FAF1: variants seen among roughly 807,000 people sequenced by gnomAD.
The protein encoded by FAF1 is FAS-associated factor 1.
Under a neutral mutation model 92.5 loss-of-function variants are expected in FAF1, and 25 were observed. That is an observed-to-expected ratio of 0.27 (90% CI 0.20 to 0.38). FAF1 has a LOEUF of 0.38. Ranked by LOEUF, FAF1 falls within the 10% of genes least tolerant of loss-of-function variation. The probability of loss-of-function intolerance (pLI) is 1.00; values close to 1 mark genes in which losing one functional copy is unlikely to be tolerated. For synonymous variants in FAF1, 234 were observed against 273.2 expected, an observed-to-expected ratio of 0.86 and a Z score of 1.42; for missense variants, 636 against 793.3, an observed-to-expected ratio of 0.80 and a Z score of 2.38.
intron 1 of FAF1, among the ~76,000 whole-genome samples, chr1:50,913,163 A>G (rs1364165993): frequency 1.3e-5 from 2 of 152,216 alleles, no homozygotes; most frequent in African/African-American, 4.8e-5. Flanking sequence ...ACATGGCATG[A>G]GTGCAGGGAT....
chr1:50,601,521 A>G (rs1652125860), intron 8 of FAF1, among the ~76,000 whole-genome samples: 1 of 152,114 alleles, frequency 6.6e-6, no homozygotes, highest in Non-Finnish European at 1.5e-5. Flanking sequence ...GTCTCTACTA[A>G]AAATACAAAA....
intron 1 of FAF1, among the ~76,000 whole-genome samples, chr1:50,864,883 T>C (rs2124673963): frequency 6.6e-6 from 1 of 151,998 alleles, no homozygotes; most frequent in Non-Finnish European, 1.5e-5. Flanking sequence ...CAAAAGAAAC[T>C]ACCATCAGAG....
At chr1:50,474,222 G>A (rs568596437) in intron 18 of FAF1, among the ~76,000 whole-genome samples, 2 of 152,266 alleles carry the variant, frequency 1.3e-5, no homozygotes, top group Non-Finnish European at 2.9e-5. Flanking sequence ...TACAAGGCAC[G>A]CCTTCAAGTA....
chr1:50,454,883 T>A (rs1293576540), intron 18 of FAF1, among the ~76,000 whole-genome samples: 2 of 152,186 alleles, frequency 1.3e-5, no homozygotes, highest in Non-Finnish European at 2.9e-5. Context: ...TGGCTACCTA[T>A]CCCCAGGTCC....
chr1:50,885,779 T>C (rs1644657041), intron 1 of FAF1, among the ~76,000 whole-genome samples: 1 of 152,202 alleles, frequency 6.6e-6, no homozygotes, highest in Non-Finnish European at 1.5e-5. Context: ...CCTTCCTTTC[T>C]TCCTTTTACA....
At position 50,621,391 on chromosome 1, in the gene FAF1, C is replaced by CTTTTTTTTTTTT. The variant is rs36053834; in HGVS notation, c.745-25187_745-25176dup. Among the ~76,000 whole-genome samples the CTTTTTTTTTTTT allele has an allele frequency of 7.5e-4, 67 of 89,220 alleles. 1 individual carries two copies. Among genetic ancestry groups the CTTTTTTTTTTTT allele is most frequent in the African/African-American group, 1.4e-3 (29 of 21,394 alleles). 58.5% of individuals were successfully genotyped at this position (89,220 alleles called of 152,430 possible). On this transcript the variant is annotated intron_variant, in intron 8 of 18. Coordinates refer to ENST00000396153, the MANE Select transcript of FAF1 (RefSeq NM_007051.3). ...AGTTAGCCCCGATCTTTCTTTTTTT[C>CTTTTTTTTTTTT]TTTTTTTTTTTTTTTTTTTTTTTTT...
intron 9 of FAF1, among the ~76,000 whole-genome samples, chr1:50,589,594 T>A (rs1651406043): frequency 6.6e-6 from 1 of 152,362 alleles, no homozygotes; most frequent in South Asian, 2.1e-4. Context: ...ATCAGATGTA[T>A]GATTTGCAAA....
chr1:50,514,652 T>G (rs769339361), intron 15 of FAF1, among the ~76,000 whole-genome samples: 3 of 152,206 alleles, frequency 2.0e-5, no homozygotes, highest in Non-Finnish European at 4.4e-5. Context: ...TTTGCTAGAA[T>G]GTAAGTCTCT....
At chr1:50,958,160 A>T (rs761871319) in intron 1 of FAF1, among the ~76,000 whole-genome samples, 6 of 152,128 alleles carry the variant, frequency 3.9e-5, no homozygotes, top group Non-Finnish European at 5.9e-5. Flanking sequence ...TAATTGAAAA[A>T]TTTTTTAAAA....
chr1:50,776,902 T>C (rs1660983684), intron 4 of FAF1, among the ~76,000 whole-genome samples: 1 of 152,094 alleles, frequency 6.6e-6, no homozygotes, highest in African/African-American at 2.4e-5. Flanking sequence ...CCAACTGATA[T>C]TGTAAAGATA....
intron 8 of FAF1, among the ~76,000 whole-genome samples, chr1:50,599,974 T>C (rs1292883235): frequency 2.0e-5 from 3 of 152,182 alleles, no homozygotes; most frequent in Non-Finnish European, 2.9e-5. Flanking sequence ...CCAATGAGCA[T>C]TTCCTTTTAA....
chr1:50,691,591 T>C (rs1357046788), intron 7 of FAF1, among the ~76,000 whole-genome samples: 2 of 151,736 alleles, frequency 1.3e-5, no homozygotes, highest in Non-Finnish European at 2.9e-5. Flanking sequence ...GTAGTTCATT[T>C]TGCTTTTTTC....
chr1:50,555,654 A>T (rs1649540423), intron 13 of FAF1, among the ~76,000 whole-genome samples: 1 of 152,186 alleles, frequency 6.6e-6, no homozygotes, highest in South Asian at 2.1e-4. Flanking sequence ...ACTCTTATAC[A>T]CTGTTGGTGG....
intron 1 of FAF1, among the ~76,000 whole-genome samples, chr1:50,889,200 C>T (rs562060315): frequency 1.9e-4 from 29 of 152,246 alleles, no homozygotes; most frequent in East Asian, 1.2e-3. Flanking sequence ...TCTGTGGGAT[C>T]GGTGGTGATA....
intron 15 of FAF1, among the ~76,000 whole-genome samples, chr1:50,534,005 T>C (rs1648327128): frequency 6.6e-6 from 1 of 152,188 alleles, no homozygotes; most frequent in Non-Finnish European, 1.5e-5. Flanking sequence ...CTAGATTATC[T>C]GCCATTTACC....
At chr1:50,827,360 G>A (rs1222976833) in intron 2 of FAF1, among the ~76,000 whole-genome samples, 2 of 152,158 alleles carry the variant, frequency 1.3e-5, no homozygotes, top group African/African-American at 4.8e-5. Context: ...AACATGTGCT[G>A]TGTCAACTCA....
At chr1:50,931,086 T>C (rs1339283238) in intron 1 of FAF1, among the ~76,000 whole-genome samples, 1 of 152,202 alleles carries the variant, frequency 6.6e-6, no homozygotes, top group Non-Finnish European at 1.5e-5. Context: ...ATACGAAATA[T>C]AGATCAATAT....
At chr1:50,837,766 C>T (rs1644221784) in intron 2 of FAF1, among the ~76,000 whole-genome samples, 1 of 145,504 alleles carries the variant, frequency 6.9e-6, no homozygotes, top group Non-Finnish European at 1.5e-5. Flanking sequence ...TTTTTTGAGA[C>T]AGAGTCTCAC....
rs1569847516 is a variant in FAF1 at position 50,729,026 on chromosome 1, C to CTA, written c.551+9835_551+9836dup. ...TTTATCTATCTATCTATCTATCTAT[C>CTA]TATCTATCTATATATATATATATAT... On this transcript the variant is annotated intron_variant, in intron 6 of 18. Coordinates refer to ENST00000396153, the MANE Select transcript of FAF1 (RefSeq NM_007051.3). 6.8e-5 allele frequency among the ~76,000 whole-genome samples: 5 copies of CTA among 73,648 alleles called. No homozygotes were observed. In the East Asian group the frequency reaches 7.4e-4, roughly 11 times the overall value. The allele number at this position is 73,648 out of a possible 152,430, so 48.3% of individuals were successfully genotyped here.
Sources: gnomAD v4.1 joint callset for allele counts (sites outside exome capture counted in the v4.1 genomes callset) on GRCh38, gnomAD v4.1.1 for gene constraint, MANE v1.5 for transcripts, NCBI Gene and HGNC (gene_info 2026-07-23, HGNC 2026-07-21) for gene names.